RBM6: variants seen among roughly 807,000 people sequenced by gnomAD.
The protein encoded by RBM6 is RNA-binding protein 6.
A neutral mutation model predicts 140.4 loss-of-function variants in RBM6; 23 were observed. That is an observed-to-expected ratio of 0.16 (90% CI 0.12 to 0.23). The LOEUF (loss-of-function observed/expected upper bound fraction) is 0.23, where lower values mean the gene tolerates loss of function less well. Ranked by LOEUF, RBM6 falls within the 10% of genes least tolerant of loss-of-function variation. The pLI, the probability that RBM6 is intolerant of heterozygous loss-of-function variation, is 1.00. For synonymous variants in RBM6, 439 were observed against 475.6 expected (o/e 0.92, Z 1.00); for missense variants, 1,139 against 1,386.7 (o/e 0.82, Z 2.84).
intron 5 of RBM6, among the ~76,000 whole-genome samples, chr3:49,996,366 G>C (rs748101797): frequency 2.0e-4 from 30 of 152,038 alleles, no homozygotes; most frequent in Middle Eastern, 3.2e-3. Flanking sequence ...GACAGTGCAT[G>C]GTTTTTATCT....
At chr3:49,943,939 G>T (rs1394732045) in intron 1 of RBM6, among the ~76,000 whole-genome samples, 1 of 152,002 alleles carries the variant, frequency 6.6e-6, no homozygotes, top group Non-Finnish European at 1.5e-5. Context: ...TTTTTTATTT[G>T]TGTGTTTTGA....
intron 6 of RBM6, among the ~76,000 whole-genome samples, chr3:50,021,781 C>G (rs1243294974): frequency 2.8e-5 from 2 of 70,260 alleles, no homozygotes; most frequent in African/African-American, 1.1e-4. Flanking sequence ...GAGACAGAGT[C>G]TCACTTTGTT....
chr3:49,980,327 A>G (rs917898725), intron 5 of RBM6, among the ~76,000 whole-genome samples: 3 of 152,046 alleles, frequency 2.0e-5, no homozygotes, highest in Non-Finnish European at 2.9e-5. Flanking sequence ...ATTCTTAGAA[A>G]ATACATAATG....
chr3:50,057,629 T>C (rs2089760661), intron 8 of RBM6, 99 bp from the exon 9 acceptor site: 1 of 1,007,530 alleles, frequency 9.9e-7, no homozygotes, highest in Non-Finnish European at 1.4e-6. Flanking sequence ...GTATGAGTAT[T>C]TGCTGGCAGG....
chr3:49,946,656 C>T (rs886772766), intron 1 of RBM6, among the ~76,000 whole-genome samples: 3 of 152,050 alleles, frequency 2.0e-5, no homozygotes, highest in Admixed American at 6.6e-5. Context: ...GTGCCTCAGC[C>T]TCCCGGGTAG....
At chr3:49,973,952 C>T (rs940495285) in intron 4 of RBM6, among the ~76,000 whole-genome samples, 1 of 151,984 alleles carries the variant, frequency 6.6e-6, no homozygotes, top group Non-Finnish European at 1.5e-5. Flanking sequence ...GGCTGGAGTG[C>T]AGTGGCACAA....
At chr3:49,974,230 AT>A (rs2084952962) in intron 4 of RBM6, among the ~76,000 whole-genome samples, 1 of 151,234 alleles carries the variant, frequency 6.6e-6, no homozygotes, top group Middle Eastern at 3.2e-3. Context: ...ATTTTTAAAT[AT>A]TTATTTATTT....
intron 2 of RBM6, among the ~76,000 whole-genome samples, chr3:49,966,735 T>C (rs1487385530): frequency 2.0e-5 from 3 of 152,128 alleles, no homozygotes; most frequent in East Asian, 3.8e-4. Context: ...AGATGACTTA[T>C]ACATGCTTTG....
chr3:50,038,502 T>C (rs984686507), intron 6 of RBM6, among the ~76,000 whole-genome samples: 1 of 152,056 alleles, frequency 6.6e-6, no homozygotes, highest in Non-Finnish European at 1.5e-5. Context: ...GGAGCTCCAA[T>C]AGTAGTCATC....
At chr3:50,068,638 C>G in intron 17 of RBM6, 52 bp from the exon 18 acceptor site, 1 of 1,554,160 alleles carries the variant, frequency 6.4e-7, no homozygotes, top group Middle Eastern at 1.7e-4. Context: ...AGAAGCATCT[C>G]TAGGACCATT....
At position 50,066,499 on chromosome 3, in the gene RBM6, C is replaced by T. The variant is rs377188567; in HGVS notation, c.2940C>T (p.His980=). ...LIKHQQLSDL[H]KQNLEIHRKI... is the part of the protein sequence containing the mutation. ...AACACCAGCAGCTGTCAGACCTGCA[C>T]AAGGTATTAGGGGAAGGAGCTATGC... Residue 980 remains histidine (H), a synonymous_variant, in exon 17 of 21, where the codon CAC becomes CAT. Transcript: ENST00000266022. 10 of 1,612,956 alleles carry T rather than the reference C, an allele frequency of 6.2e-6. No individual in the cohort carries two copies. The highest frequency in any genetic ancestry group is 8.5e-6 in the Non-Finnish European group (10 of 1,179,868).
chr3:50,045,885 G>T (rs1428226233), intron 6 of RBM6, among the ~76,000 whole-genome samples: 3 of 152,140 alleles, frequency 2.0e-5, no homozygotes, highest in African/African-American at 7.2e-5. Flanking sequence ...AGAAGTTAAG[G>T]ACCTTGCTGA....
intron 5 of RBM6, among the ~76,000 whole-genome samples, chr3:49,995,906 GA>G (rs1195471475): frequency 6.6e-6 from 1 of 151,954 alleles, no homozygotes; most frequent in Non-Finnish European, 1.5e-5. Context: ...GGGAAATAAA[GA>G]AAAAAATCCC....
At chr3:49,998,950 C>G (rs1022611251) in intron 5 of RBM6, among the ~76,000 whole-genome samples, 1 of 151,822 alleles carries the variant, frequency 6.6e-6, no homozygotes, top group Non-Finnish European at 1.5e-5. Context: ...GTCAGCACTT[C>G]TGTCTTTGAA....
intron 16 of RBM6, 58 bp downstream of exon 16, chr3:50,065,184 G>A (rs1454937969): frequency 7.3e-7 from 1 of 1,377,442 alleles, no homozygotes; most frequent in Admixed American, 2.1e-5. Context: ...GTTCCGAGTA[G>A]AAGAGGAAGC....
chr3:49,968,798 TGAG>T, intron 3 of RBM6, 50 bp downstream of exon 3: 1 of 1,320,272 alleles, frequency 7.6e-7, no homozygotes, highest in Non-Finnish European at 1.0e-6. Context: ...TTTTTTTTTT[TGAG>T]ACGGAGTCTC....
At chr3:50,039,727 G>A (rs2088769102) in intron 6 of RBM6, among the ~76,000 whole-genome samples, 1 of 152,164 alleles carries the variant, frequency 6.6e-6, no homozygotes, top group Non-Finnish European at 1.5e-5. Flanking sequence ...TTTATAAATT[G>A]TAAGAAGCAA....
In RBM6 at chr3:49,967,919, T is replaced by A. The variant is rs755567394; in HGVS notation, c.494T>A (p.Phe165Tyr). ...GACAGGGATGCTCACGCTGTTGACT[T>A]CAGAGGTAGGGATGCTCCTCCATCT... ...YRDRDAHAVD[F>Y]RGRDAPPSDF... is the part of the protein sequence containing the mutation. Residue 165 changes from phenylalanine to tyrosine, a missense_variant, in exon 3 of 21, where the codon TTC (phenylalanine) becomes TAC (tyrosine). Phe to Tyr is a conservative substitution (Grantham distance 22). Around this residue, in one of 9 missense-constraint regions of RBM6, gnomAD observed 566 missense variants for 612.7 expected, o/e 0.92. Coordinates refer to ENST00000266022, the MANE Select transcript of RBM6 (RefSeq NM_005777.3). This position sits in a 1 kb window ranked among gnomAD's most constrained non-coding sequence, Gnocchi z 4.0. The A allele has an allele frequency of 8.1e-6, 13 of 1,613,802 alleles. No individual in the cohort carries two copies. In the Admixed American group the frequency reaches 1.8e-4, roughly 23 times the overall value.
At chr3:49,956,328 CTTTTTTTT>C (rs34467093) in intron 1 of RBM6, among the ~76,000 whole-genome samples, 1 of 72,006 alleles carries the variant, frequency 1.4e-5, no homozygotes, top group Non-Finnish European at 2.5e-5. Context: ...CCCTCCCCCG[CTTTTTTTT>C]TTTTTTTTTT....
Sources: allele counts gnomAD v4.1 joint callset (sites outside exome capture counted in the v4.1 genomes callset), GRCh38; gene constraint gnomAD v4.1.1; regional missense constraint gnomAD v4.1.1; non-coding constraint Gnocchi (gnomAD v3.1); transcripts MANE v1.5; gene names NCBI Gene and HGNC (gene_info 2026-07-23, HGNC 2026-07-21).